The following ELOVL6 variants were observed in gnomAD, a reference collection of about 807,000 sequenced individuals.
ELOVL6 encodes the protein ELOVL fatty acid elongase 6.
A neutral mutation model predicts 31.7 loss-of-function variants in ELOVL6; 8 were observed. That is an observed-to-expected ratio of 0.25 (90% CI 0.15 to 0.45). The LOEUF (loss-of-function observed/expected upper bound fraction) is 0.45, where lower values mean the gene tolerates loss of function less well. ELOVL6 is among the 20% of genes least tolerant of loss of function. The pLI, the probability that ELOVL6 is intolerant of heterozygous loss-of-function variation, is 1.00. For missense variants in ELOVL6, 126 were observed against 326.4 expected (o/e 0.39, Z 4.73); for synonymous variants, 101 against 117.7 (o/e 0.86, Z 0.92).
chr4:110,098,205 A>G (rs191602465), intron 2 of ELOVL6, among the ~76,000 whole-genome samples: 38 of 152,226 alleles, frequency 2.5e-4, no homozygotes, highest in Admixed American at 1.6e-3. Context: ...GTCAAAAAAA[A>G]GGGGGAAACA....
chr4:110,154,362 T>G (rs1758358591), intron 1 of ELOVL6, among the ~76,000 whole-genome samples: 1 of 152,144 alleles, frequency 6.6e-6, no homozygotes, highest in Admixed American at 6.5e-5. Context: ...TTCAGGTGAT[T>G]CTCCTGCCTC....
intron 1 of ELOVL6, among the ~76,000 whole-genome samples, chr4:110,189,297 G>C (rs1195002291): frequency 6.6e-6 from 1 of 151,888 alleles, no homozygotes. Flanking sequence ...TTAAAAAAGA[G>C]AGAGAGAGGC....
intron 2 of ELOVL6, among the ~76,000 whole-genome samples, chr4:110,071,690 T>G (rs1755488818): frequency 6.6e-6 from 1 of 152,164 alleles, no homozygotes; most frequent in Non-Finnish European, 1.5e-5. Flanking sequence ...CAAGATCCAC[T>G]GCCTGCTCAG....
Position 110,116,099 on chromosome 4 carries a change from C to T in ELOVL6, c.90-10471G>A, listed in dbSNP as rs118074174. On this transcript the variant is annotated intron_variant, in intron 1 of 3. Coordinates refer to ENST00000302274, the MANE Select transcript of ELOVL6 (RefSeq NM_024090.3). The stretch of plus-strand genomic sequence containing the variant: ...GCCTAGAGGCTTCCATTTTAACAAC[C>T]CATGTGATTAGATGTCCCCTGCCCA... 1.1e-3 allele frequency among the ~76,000 whole-genome samples: 166 copies of T among 152,302 alleles called. No individual in the cohort carries two copies. In the East Asian group the frequency reaches 0.013, roughly 12 times the overall value.
chr4:110,188,344 G>A (rs572721110), intron 1 of ELOVL6, among the ~76,000 whole-genome samples: 1 of 152,094 alleles, frequency 6.6e-6, no homozygotes, highest in Non-Finnish European at 1.5e-5. Flanking sequence ...TACCTGACAC[G>A]TTTCCAGTGC....
At chr4:110,172,300 C>T (rs1758972286) in intron 1 of ELOVL6, among the ~76,000 whole-genome samples, 1 of 152,136 alleles carries the variant, frequency 6.6e-6, no homozygotes, top group Admixed American at 6.6e-5. Flanking sequence ...AGAGGAAAAA[C>T]AGTTTTGAGT....
chr4:110,156,159 G>A (rs368976227), intron 1 of ELOVL6, among the ~76,000 whole-genome samples: 9 of 152,246 alleles, frequency 5.9e-5, no homozygotes, highest in African/African-American at 2.2e-4. Flanking sequence ...GTAAAGGATT[G>A]GTGGTTGTTA....
intron 2 of ELOVL6, among the ~76,000 whole-genome samples, chr4:110,104,657 C>T (rs1756837433): frequency 1.3e-5 from 2 of 152,198 alleles, no homozygotes; most frequent in Admixed American, 1.3e-4. Context: ...ATTTACTCCG[C>T]TCCCGTTCCT....
chr4:110,184,412 G>A (rs202213947), intron 1 of ELOVL6, among the ~76,000 whole-genome samples: 2 of 152,302 alleles, frequency 1.3e-5, no homozygotes, highest in East Asian at 3.9e-4. Context: ...ATATAGATGG[G>A]TGGAGAGAAG....
At chr4:110,166,478 G>A (rs1358575910) in intron 1 of ELOVL6, among the ~76,000 whole-genome samples, 1 of 152,058 alleles carries the variant, frequency 6.6e-6, no homozygotes, top group Non-Finnish European at 1.5e-5. Context: ...TGGGTGTGGT[G>A]GTACGCGCCC....
At chr4:110,177,244 C>T (rs1036945909) in intron 1 of ELOVL6, among the ~76,000 whole-genome samples, 27 of 152,200 alleles carry the variant, frequency 1.8e-4, no homozygotes, top group African/African-American at 6.5e-4. Flanking sequence ...TCAAGACCAA[C>T]CTGGGCAACA....
intron 2 of ELOVL6, among the ~76,000 whole-genome samples, chr4:110,082,225 C>T (rs898210672): frequency 2.0e-5 from 3 of 151,710 alleles, no homozygotes; most frequent in African/African-American, 7.3e-5. Context: ...ACCATTTGAC[C>T]CAGCTATCCC....
intron 2 of ELOVL6, among the ~76,000 whole-genome samples, chr4:110,083,822 A>G (rs1427500528): frequency 2.0e-5 from 3 of 149,922 alleles, no homozygotes. Flanking sequence ...AGACAAACAT[A>G]GGATCTATTT....
intron 1 of ELOVL6, among the ~76,000 whole-genome samples, chr4:110,178,519 C>G (rs914537948): frequency 6.6e-6 from 1 of 150,864 alleles, no homozygotes; most frequent in South Asian, 2.1e-4. Flanking sequence ...TGCCACTGCA[C>G]GCCAGCCTGA....
chr4:110,130,083 A>C (rs1052992044), intron 1 of ELOVL6, among the ~76,000 whole-genome samples: 1 of 151,650 alleles, frequency 6.6e-6, no homozygotes, highest in African/African-American at 2.4e-5. Flanking sequence ...TTTTTAGTAG[A>C]GATGGGGTTT....
chr4:110,089,407 T>C (rs1756357147), intron 2 of ELOVL6, among the ~76,000 whole-genome samples: 1 of 152,178 alleles, frequency 6.6e-6, no homozygotes, highest in Non-Finnish European at 1.5e-5. Flanking sequence ...ATATGTAGGT[T>C]CCTCAGGGCT....
In ELOVL6 at chr4:110,105,400, C is replaced by A. The variant is rs766569803; in HGVS notation, c.221+97G>T. 22 of 1,300,722 alleles carry A rather than the reference C, an allele frequency of 1.7e-5. No individual in the cohort carries two copies. In the African/African-American group the frequency reaches 2.5e-4, roughly 15 times the overall value. 80.6% of individuals were successfully genotyped at this position (1,300,722 alleles called of 1,614,324 possible). A position where few individuals can be genotyped will look rare whatever the true frequency, so the allele number is the denominator to read the frequency against. On this transcript the variant is annotated intron_variant, in intron 2 of 3. Transcript: ENST00000302274. Reference sequence around the variant, plus strand: ...TTATGTCCTCATCATATTCAATAATCAAAAATATCAGATTTAAAATCAAAT... The same window carrying A: ...TTATGTCCTCATCATATTCAATAATAAAAAATATCAGATTTAAAATCAAAT...
At chr4:110,191,017 C>T (rs1412247431) in intron 1 of ELOVL6, among the ~76,000 whole-genome samples, 1 of 151,934 alleles carries the variant, frequency 6.6e-6, no homozygotes, top group African/African-American at 2.4e-5. Context: ...CAGGGTTTCG[C>T]CACTTTGACC....
intron 1 of ELOVL6, among the ~76,000 whole-genome samples, chr4:110,163,935 G>A (rs369009732): frequency 1.3e-5 from 2 of 152,298 alleles, no homozygotes; most frequent in Middle Eastern, 3.4e-3. Context: ...TGGGAGCAAT[G>A]AAAAGTTCTT....
Sources: allele counts gnomAD v4.1 joint callset (sites outside exome capture counted in the v4.1 genomes callset), GRCh38; gene constraint gnomAD v4.1.1; transcripts MANE v1.5; gene names NCBI Gene and HGNC (gene_info 2026-07-23, HGNC 2026-07-21).